BMP6: variants seen among roughly 807,000 people sequenced by gnomAD.
BMP6 encodes VG-1-R.
In BMP6, 17 loss-of-function variants were observed where a neutral mutation model predicts 54.1. The ratio of observed to expected loss-of-function variants is 0.31; its 90% CI spans 0.22 to 0.47. BMP6 has a LOEUF of 0.47. Among genes scored for constraint, BMP6 ranks in the 20% least tolerant of loss-of-function variants. The probability of loss-of-function intolerance (pLI) is 1.00; values close to 1 mark genes in which losing one functional copy is unlikely to be tolerated. For missense variants in BMP6, 720 were observed against 690.4 expected (o/e 1.04, Z -0.48); for synonymous variants, 328 against 291.2 (o/e 1.13, Z -1.28).
chr6:7,798,267 A>G (rs1758219422), intron 1 of BMP6, among the ~76,000 whole-genome samples: 1 of 152,238 alleles, frequency 6.6e-6, no homozygotes, highest in Non-Finnish European at 1.5e-5. Context: ...AGTTCTTGCC[A>G]TGAGTCACAA....
At chr6:7,814,573 C>G (rs1758495310) in intron 1 of BMP6, among the ~76,000 whole-genome samples, 1 of 152,110 alleles carries the variant, frequency 6.6e-6, no homozygotes, top group African/African-American at 2.4e-5. Flanking sequence ...TCACTAATAA[C>G]TGTAGGAAGT....
intron 1 of BMP6, among the ~76,000 whole-genome samples, chr6:7,735,856 C>T (rs1046670934): frequency 3.9e-5 from 6 of 152,030 alleles, no homozygotes; most frequent in Non-Finnish European, 5.9e-5. Context: ...AGTATCATGC[C>T]GAGGAGTTGT....
At chr6:7,795,570 G>A (rs563611819) in intron 1 of BMP6, among the ~76,000 whole-genome samples, 3 of 152,322 alleles carry the variant, frequency 2.0e-5, no homozygotes, top group Admixed American at 6.5e-5. Context: ...ACAAGCCATT[G>A]AGGGAGTTTA....
At chr6:7,853,222 G>A (rs1759173383) in intron 2 of BMP6, among the ~76,000 whole-genome samples, 1 of 152,182 alleles carries the variant, frequency 6.6e-6, no homozygotes, top group South Asian at 2.1e-4. Flanking sequence ...AGTTAATTCA[G>A]TATTTTTTTT....
At chr6:7,873,105 C>A (rs1311256420) in intron 4 of BMP6, among the ~76,000 whole-genome samples, 1 of 152,100 alleles carries the variant, frequency 6.6e-6, no homozygotes, top group African/African-American at 2.4e-5. Flanking sequence ...CACATCTGGC[C>A]TCAGTTCAAT....
chr6:7,812,317 G>A (rs958878118), intron 1 of BMP6, among the ~76,000 whole-genome samples: 11 of 152,150 alleles, frequency 7.2e-5, no homozygotes, highest in Non-Finnish European at 1.0e-4. Flanking sequence ...CCAGTTCTTA[G>A]GAACATTGGC....
intron 1 of BMP6, among the ~76,000 whole-genome samples, chr6:7,767,009 C>T (rs1485955201): frequency 4.6e-4 from 65 of 140,934 alleles, no homozygotes; most frequent in African/African-American, 9.8e-4. Flanking sequence ...TTTTTTGAGA[C>T]GGAGTCTCGC....
rs368529770 is a variant in BMP6, at chr6:7,880,212, G to A, written c.1411G>A (p.Glu471Lys). Residue 471 changes from glutamate to lysine, a missense_variant, in exon 7 of 7, where the codon GAG (glutamate) becomes AAG (lysine). Around this residue, in one of 3 missense-constraint regions of BMP6, gnomAD observed 43 missense variants for 54.0 expected, o/e 0.80. Coordinates refer to ENST00000283147, the MANE Select transcript of BMP6 (RefSeq NM_001718.6). Reference sequence around the variant, plus strand: ...GGAACAGGTTCACCTTATGAACCCCGAGTATGTCCCCAAACCGTGCTGTGC... The same window carrying A: ...GGAACAGGTTCACCTTATGAACCCCAAGTATGTCCCCAAACCGTGCTGTGC... ...VQTLVHLMNPEYVPKPCCAPT... is the reference protein window; with the variant it reads ...VQTLVHLMNPKYVPKPCCAPT... 1.8e-5 allele frequency: 29 copies of A among 1,613,980 alleles called. No individual in the cohort carries two copies. The highest frequency in any genetic ancestry group is 8.9e-5 in the East Asian group (4 of 44,890).
chr6:7,797,827 T>G (rs1581251920), intron 1 of BMP6, among the ~76,000 whole-genome samples: 1 of 152,220 alleles, frequency 6.6e-6, no homozygotes, highest in African/African-American at 2.4e-5. Flanking sequence ...TTATTCTAGA[T>G]TCTACCTTTT....
At chr6:7,779,500 A>C (rs1757909039) in intron 1 of BMP6, among the ~76,000 whole-genome samples, 1 of 151,832 alleles carries the variant, frequency 6.6e-6, no homozygotes, top group Non-Finnish European at 1.5e-5. Flanking sequence ...CACCACGCCC[A>C]GGCTAATTTT....
At chr6:7,858,929 G>C (rs1016716408) in intron 2 of BMP6, among the ~76,000 whole-genome samples, 6 of 151,908 alleles carry the variant, frequency 3.9e-5, no homozygotes, top group Non-Finnish European at 7.4e-5. Context: ...AGTGAGAACA[G>C]TCAGTGTTCT....
rs567285233 is a variant in BMP6 at position 7,727,595 on chromosome 6, A to G, written c.640A>G (p.Met214Val). ...QDSAFLNDAD[M>V]VMSFVNLVEY... ...CAGCGCCTTCCTCAACGACGCGGAC[A>G]TGGTCATGAGCTTTGTGAACCTGGG... is the stretch of plus-strand genomic sequence containing the variant. The change falls in exon 1 of 7, where the codon ATG becomes GTG. Residue 214 changes from methionine (M) to valine (V), a missense_variant. Transcript: ENST00000283147. 73 of 1,576,892 alleles carry G rather than the reference A, an allele frequency of 4.6e-5. No individual in the cohort carries two copies. The East Asian group carries it at 1.3e-3, about 28-fold the overall frequency.
At chr6:7,840,454 T>C (rs541576055) in intron 1 of BMP6, among the ~76,000 whole-genome samples, 1 of 152,208 alleles carries the variant, frequency 6.6e-6, no homozygotes, top group Non-Finnish European at 1.5e-5. Context: ...CTTTTGTATG[T>C]ATAATTACAT....
chr6:7,876,420 T>C (rs1759615556), intron 4 of BMP6, among the ~76,000 whole-genome samples: 1 of 152,248 alleles, frequency 6.6e-6, no homozygotes, highest in Admixed American at 6.5e-5. Flanking sequence ...CCAGTCATTA[T>C]GTCTTCAAAT....
intron 1 of BMP6, among the ~76,000 whole-genome samples, chr6:7,786,648 T>A (rs961121598): frequency 2.0e-5 from 3 of 152,038 alleles, no homozygotes; most frequent in African/African-American, 7.2e-5. Context: ...TGTATGTGGA[T>A]CAGAACTGTA....
At chr6:7,749,437 T>G (rs1757390921) in intron 1 of BMP6, among the ~76,000 whole-genome samples, 1 of 152,268 alleles carries the variant, frequency 6.6e-6, no homozygotes, top group Non-Finnish European at 1.5e-5. Flanking sequence ...GTTCAATGTT[T>G]ATTCCATAAA....
chr6:7,727,041 C>G lies in BMP6; in HGVS notation c.86C>G (p.Pro29Arg). Residue 29 changes from proline (P) to arginine (R), a missense_variant, in exon 1 of 7, where the codon CCG becomes CGG. Physicochemically the swap from Pro to Arg is moderately radical, Grantham distance 103. This residue lies in a region of BMP6 where 650 missense variants were observed against 556.3 expected (regional missense o/e 1.17). Coordinates refer to ENST00000283147, the MANE Select transcript of BMP6 (RefSeq NM_001718.6). ...TGCTGCGGGCCCCCGCCGCTGCGGC[C>G]GCCCTTGCCCGCTGCCGCGGCCGCC... ...CSCCGPPPLR[P>R]PLPAAAAAAA... 8.7e-7 allele frequency: 1 copy of G among 1,143,074 alleles called. No individual in the cohort carries two copies. The highest frequency in any genetic ancestry group is 4.9e-5 in the Admixed American group (1 of 20,546). The allele number at this position is 1,143,074 out of a possible 1,614,324, so 70.8% of individuals were successfully genotyped here.
At position 7,732,677 on chromosome 6, in the gene BMP6, C is replaced by A. The variant is rs199784419; in HGVS notation, c.664+5058C>A. 6.2e-3 allele frequency among the ~76,000 whole-genome samples: 882 copies of A among 143,378 alleles called. 16 individuals are homozygous for A. The highest frequency in any genetic ancestry group is 0.042 in the Admixed American group (607 of 14,436). The allele number at this position is 143,378 out of a possible 152,430, so 94.1% of individuals were successfully genotyped here. On this transcript the variant is annotated intron_variant, in intron 1 of 6. Transcript: ENST00000283147. Reference sequence around the variant, plus strand: ...TGAATACTGGCTAAATACTGGCTATCAAATGTAGTATATCAAACGTAGTAT... The same window carrying A: ...TGAATACTGGCTAAATACTGGCTATAAAATGTAGTATATCAAACGTAGTAT...
At chr6:7,782,932 G>A (rs1420562652) in intron 1 of BMP6, among the ~76,000 whole-genome samples, 1 of 152,086 alleles carries the variant, frequency 6.6e-6, no homozygotes, top group Non-Finnish European at 1.5e-5. Flanking sequence ...CCTAAAATAT[G>A]AGAACTGAAA....
Sources: gnomAD v4.1 joint callset for allele counts (sites outside exome capture counted in the v4.1 genomes callset) on GRCh38, gnomAD v4.1.1 for gene constraint, gnomAD v4.1.1 regional missense constraint, MANE v1.5 for transcripts, NCBI Gene and HGNC (gene_info 2026-07-23, HGNC 2026-07-21) for gene names.